MYO1E: variants seen among roughly 807,000 people sequenced by gnomAD.
MYO1E encodes unconventional myosin-Ie.
MYO1E carries 68 observed loss-of-function variants against 151.1 expected under a neutral mutation model. The ratio of observed to expected loss-of-function variants is 0.45; its 90% confidence interval spans 0.37 to 0.55. The LOEUF (loss-of-function observed/expected upper bound fraction) is 0.55. Ranked by LOEUF, MYO1E falls within the 20% of genes least tolerant of loss-of-function variation. The pLI is 0.00. For missense variants in MYO1E, 1,363 were observed against 1,389.3 expected (o/e 0.98, Z 0.30); for synonymous variants, 601 against 501.7 (o/e 1.20, Z -2.64).
intron 18 of MYO1E, among the ~76,000 whole-genome samples, chr15:59,183,189 G>A (rs1386882008): frequency 9.9e-5 from 15 of 152,056 alleles, no homozygotes; most frequent in African/African-American, 3.6e-4. Context: ...TAGACTTCCT[G>A]CTCTCCTGAG....
chr15:59,148,192 T>C (rs1274912990), intron 26 of MYO1E, among the ~76,000 whole-genome samples: 1 of 152,114 alleles, frequency 6.6e-6, no homozygotes, highest in Non-Finnish European at 1.5e-5. Context: ...AGTAGAAAGA[T>C]TAAGTGACAA....
chr15:59,288,683 T>C (rs1347478659), intron 1 of MYO1E, among the ~76,000 whole-genome samples: 4 of 152,144 alleles, frequency 2.6e-5, no homozygotes, highest in Non-Finnish European at 5.9e-5. Context: ...AATAAGATAA[T>C]AGGAGGGACA....
At chr15:59,260,879 A>C (rs2080220644) in intron 3 of MYO1E, among the ~76,000 whole-genome samples, 1 of 152,116 alleles carries the variant, frequency 6.6e-6, no homozygotes, top group South Asian at 2.1e-4. Flanking sequence ...TTTCTATGCA[A>C]ATAAGGCTCA....
chr15:59,137,865 T>C (rs2079382601), intron 27 of MYO1E, among the ~76,000 whole-genome samples: 1 of 152,184 alleles, frequency 6.6e-6, no homozygotes, highest in Non-Finnish European at 1.5e-5. Flanking sequence ...AGAATAAAAG[T>C]CAGGACTTTT....
intron 7 of MYO1E, among the ~76,000 whole-genome samples, chr15:59,226,663 C>A (rs2079993433): frequency 6.6e-6 from 1 of 152,036 alleles, no homozygotes; most frequent in African/African-American, 2.4e-5. Context: ...AAAAATTAGC[C>A]AGGTGTGGTG....
At chr15:59,283,636 A>G (rs150604753) in intron 1 of MYO1E, among the ~76,000 whole-genome samples, 34 of 152,360 alleles carry the variant, frequency 2.2e-4, no homozygotes, top group African/African-American at 7.7e-4. Context: ...TTCTTATTAC[A>G]TACCAAGCAC....
At chr15:59,185,905 G>A (rs2079694500) in intron 18 of MYO1E, among the ~76,000 whole-genome samples, 1 of 152,174 alleles carries the variant, frequency 6.6e-6, no homozygotes, top group African/African-American at 2.4e-5. Context: ...ACACAGGACA[G>A]ACTTCGCAGC....
intron 1 of MYO1E, among the ~76,000 whole-genome samples, chr15:59,307,820 G>A (rs1340314910): frequency 1.3e-5 from 2 of 151,700 alleles, no homozygotes; most frequent in Admixed American, 6.6e-5. Context: ...ATGTTGGTCA[G>A]GCTGGTCTTG....
At chr15:59,161,413 G>C (rs2079537749) in intron 23 of MYO1E, among the ~76,000 whole-genome samples, 183 bp from the exon 24 acceptor site, 1 of 152,180 alleles carries the variant, frequency 6.6e-6, no homozygotes. Flanking sequence ...GTCGCTGCAT[G>C]ACAATGAGCC....
At chr15:59,310,619 T>G (rs887213537) in intron 1 of MYO1E, among the ~76,000 whole-genome samples, 3 of 152,160 alleles carry the variant, frequency 2.0e-5, no homozygotes, top group Non-Finnish European at 4.4e-5. Flanking sequence ...CTGATGCCCA[T>G]GCTGATTTTG....
At chr15:59,253,655 G>C (rs372822565) in intron 4 of MYO1E, among the ~76,000 whole-genome samples, 2 of 151,910 alleles carry the variant, frequency 1.3e-5, no homozygotes, top group Non-Finnish European at 2.9e-5. Context: ...CTAATTTTTT[G>C]TATTTTAGTA....
intron 1 of MYO1E, among the ~76,000 whole-genome samples, chr15:59,290,727 A>C (rs772469725): frequency 5.3e-5 from 8 of 152,246 alleles, no homozygotes; most frequent in Non-Finnish European, 1.0e-4. Context: ...ATCAATTGCC[A>C]AAACAGTCCC....
chr15:59,336,665 T>C (rs1019695765), intron 1 of MYO1E, among the ~76,000 whole-genome samples: 2 of 152,082 alleles, frequency 1.3e-5, no homozygotes, highest in Admixed American at 6.5e-5. Flanking sequence ...GTTTGTTACA[T>C]AGGTATACAC....
rs1163705886 is a variant in MYO1E, at chr15:59,195,473, C to CA, written c.1792dup (p.Trp598LeufsTer78). On this transcript the variant is annotated frameshift_variant, in exon 17 of 28. Transcript: ENST00000288235. LOFTEE classifies it high-confidence loss of function. Reference sequence around the variant, plus strand: ...TTTCCCCCGATACCTGCTTTCCTCCCAGTCTCTGGGCTTCTTGGTTTCGTT... The same window carrying CA: ...TTTCCCCCGATACCTGCTTTCCTCCCAAGTCTCTGGGCTTCTTGGTTTCGTT... 6.2e-7 allele frequency: 1 copy of CA among 1,613,600 alleles called. No homozygotes were observed. The highest frequency in any genetic ancestry group is 1.7e-5 in the Admixed American group (1 of 60,008).
At chr15:59,354,330 G>A (rs541289511) in intron 1 of MYO1E, among the ~76,000 whole-genome samples, 15 of 152,182 alleles carry the variant, frequency 9.9e-5, no homozygotes, top group Admixed American at 2.0e-4. Context: ...GCAAATCCTC[G>A]TCTTTAAACC....
chr15:59,216,691 T>C (rs199757961), intron 10 of MYO1E, among the ~76,000 whole-genome samples: 55 of 56,532 alleles, frequency 9.7e-4, no homozygotes, highest in Admixed American at 1.9e-3. Flanking sequence ...TATATACACA[T>C]ACACACACAC....
intron 22 of MYO1E, among the ~76,000 whole-genome samples, chr15:59,165,929 G>A (rs1008458603): frequency 6.6e-6 from 1 of 152,204 alleles, no homozygotes; most frequent in Non-Finnish European, 1.5e-5. Flanking sequence ...GTCATGCCTG[G>A]TGGCCTGGCT....
In MYO1E at chr15:59,371,380, T is replaced by C. The variant is rs118002471; in HGVS notation, c.3+1118A>G. 1.7e-3 allele frequency among the ~76,000 whole-genome samples: 263 copies of C among 151,878 alleles called. 2 individuals are homozygous for C. The East Asian group carries it at 0.02, about 11-fold the overall frequency. The stretch of plus-strand genomic sequence containing the variant: ...CCAGAAGAGGACGAGATAATCCACC[T>C]AAGCAGGACTACTTGAAAAGAAGCA... On this transcript the variant is annotated intron_variant, in intron 1 of 27. Coordinates refer to ENST00000288235, the MANE Select transcript of MYO1E (RefSeq NM_004998.4).
chr15:59,288,103 C>T (rs757051671), intron 1 of MYO1E, among the ~76,000 whole-genome samples: 10 of 152,208 alleles, frequency 6.6e-5, no homozygotes, highest in Non-Finnish European at 1.5e-4. Context: ...AACCCCACTA[C>T]TACTACCACT....
Sources: gnomAD v4.1 joint callset for allele counts (sites outside exome capture counted in the v4.1 genomes callset) on GRCh38, gnomAD v4.1.1 for gene constraint, MANE v1.5 for transcripts, NCBI Gene and HGNC (gene_info 2026-07-23, HGNC 2026-07-21) for gene names.